The following MED17 variants were observed in gnomAD, a reference collection of about 807,000 sequenced individuals.
The protein encoded by MED17 is mediator complex subunit 17, also known as mediator of RNA polymerase II transcription subunit 17.
In MED17, 49 loss-of-function variants were observed where a neutral mutation model predicts 80.8. That is an observed-to-expected ratio of 0.61 (90% CI 0.48 to 0.77). MED17 has a LOEUF of 0.77. Ranked by LOEUF, MED17 falls within the 30% of genes least tolerant of loss-of-function variation. MED17 has a pLI of 0.00. For synonymous variants in MED17, 281 were observed against 280.4 expected (o/e 1.00, Z -0.02); for missense variants, 718 against 787.0 (o/e 0.91, Z 1.05).
chr11:93,798,694 C>A (rs12222862), intron 8 of MED17, among the ~76,000 whole-genome samples: 1 of 152,116 alleles, frequency 6.6e-6, no homozygotes, highest in Non-Finnish European at 1.5e-5. Context: ...GATTTAGTGT[C>A]TATGGTCCCC....
At chr11:93,793,453 A>G in intron 3 of MED17, 1 of 354,038 alleles carries the variant, frequency 2.8e-6, no homozygotes, top group Non-Finnish European at 5.2e-6. Flanking sequence ...CTCCATTGGA[A>G]TAAAACAATT....
chr11:93,811,719 C>A, intron 11 of MED17, 134 bp from the exon 12 acceptor site: 1 of 769,588 alleles, frequency 1.3e-6, no homozygotes, highest in Non-Finnish European at 2.2e-6. Context: ...ACTGAAAAAG[C>A]ACTTTTTTAC....
At chr11:93,809,672 G>T (rs1357715012) in intron 10 of MED17, 45 bp from the exon 11 acceptor site, 1 of 1,607,764 alleles carries the variant, frequency 6.2e-7, no homozygotes, top group Non-Finnish European at 8.5e-7. Flanking sequence ...AGTCACTGCA[G>T]ATATCTCTGC....
chr11:93,807,697 G>T, intron 10 of MED17, 62 bp downstream of exon 10: 1 of 993,740 alleles, frequency 1.0e-6, no homozygotes, highest in South Asian at 1.3e-5. Flanking sequence ...AGAACAAATT[G>T]GTTAAAAAGT....
At chr11:93,798,301 G>A (rs933059828) in intron 8 of MED17, among the ~76,000 whole-genome samples, 1 of 151,980 alleles carries the variant, frequency 6.6e-6, no homozygotes, top group African/African-American at 2.4e-5. Flanking sequence ...ACAAAATAAC[G>A]TGGCATGATT....
chr11:93,801,758 A>T (rs565420609), intron 8 of MED17, 77 bp from the exon 9 acceptor site: 6 of 1,429,142 alleles, frequency 4.2e-6, no homozygotes, highest in African/African-American at 1.4e-5. Flanking sequence ...AAATTTTCAT[A>T]AAATTTTCGA....
At chr11:93,804,031 AC>A in intron 9 of MED17, among the ~76,000 whole-genome samples, 1 of 6,524 alleles carries the variant, frequency 1.5e-4, no homozygotes. Context: ...ATATATACAC[AC>A]ACACATATAC....
chr11:93,792,601 A>T (rs1943849330), intron 3 of MED17, among the ~76,000 whole-genome samples: 1 of 152,130 alleles, frequency 6.6e-6, no homozygotes, highest in Non-Finnish European at 1.5e-5. Context: ...AATGGCCCAG[A>T]ACAACTTACC....
intron 7 of MED17, chr11:93,796,808 G>A (rs1943908443): frequency 2.3e-6 from 1 of 428,438 alleles, no homozygotes; most frequent in Admixed American, 3.5e-5. Context: ...AGAGGGAAGG[G>A]TGATTCTGAC....
intron 10 of MED17, chr11:93,807,998 A>T (rs913960825): frequency 2.2e-5 from 7 of 311,700 alleles, no homozygotes. Context: ...AGATCATATA[A>T]AAAACTATAA....
rs758869867 is a variant in MED17 at position 93,796,498 on chromosome 11, C to T, written c.1101C>T (p.His367=). 3 of 1,613,990 alleles carry T rather than the reference C, an allele frequency of 1.9e-6. No homozygotes were observed. The highest frequency in any genetic ancestry group is 1.3e-5 in the African/African-American group (1 of 75,018). ...CTGAGAAGCAATGTCCGGAGGACCA[C>T]CTTTATGTCCTAGAGCATAATTTGC... is the stretch of plus-strand genomic sequence containing the variant. ...FATEKQCPED[H]LYVLEHNLHL... Residue 367 remains histidine, a synonymous_variant, in exon 7 of 12, where the codon CAC becomes CAT. Transcript: ENST00000251871.
chr11:93,796,854 G>T, intron 7 of MED17: 1 of 366,544 alleles, frequency 2.7e-6, no homozygotes, highest in South Asian at 2.3e-5. Context: ...GCCAGAGTCT[G>T]TGAACAGACT....
chr11:93,795,107 G>A, intron 6 of MED17, 47 bp downstream of exon 6: 2 of 1,600,770 alleles, frequency 1.2e-6, no homozygotes, highest in South Asian at 2.2e-5. Context: ...TTTGTGTTTT[G>A]GGGGACTAGG....
intron 6 of MED17, chr11:93,795,298 C>G (rs1281827759): frequency 3.6e-6 from 2 of 561,680 alleles, no homozygotes; most frequent in African/African-American, 3.8e-5. Flanking sequence ...CTTATGTAGT[C>G]ATTATTGTGG....
At chr11:93,804,047 GCA>G (rs141620991) in intron 9 of MED17, among the ~76,000 whole-genome samples, 2 of 136,744 alleles carry the variant, frequency 1.5e-5, no homozygotes, top group South Asian at 2.3e-4. Context: ...ATATACACAC[GCA>G]CACACACACA....
At chr11:93,809,607 G>T (rs1591391882) in intron 10 of MED17, 110 bp from the exon 11 acceptor site, 16 of 1,082,510 alleles carry the variant, frequency 1.5e-5, no homozygotes, top group African/African-American at 1.2e-4. Context: ...AGATAGGGTT[G>T]CTGTAGTAGT....
Position 93,788,138 on chromosome 11 carries a change from G to A in MED17, c.388G>A (p.Val130Ile). ...TAAAAAATTTATGACTCTTGATCCT[G>A]TCTCTCAGGATGCACTTCCTCCAAA... ...RDKKFMTLDP[V>I]SQDALPPKQN... is the part of the protein sequence containing the mutation. Residue 130 changes from valine to isoleucine, a missense_variant, in exon 2 of 12, where the codon GTC (valine) becomes ATC (isoleucine). Coordinates refer to ENST00000251871, the MANE Select transcript of MED17 (RefSeq NM_004268.5). 6.2e-7 allele frequency: 1 copy of A among 1,613,338 alleles called. No individual in the cohort carries two copies. Among genetic ancestry groups the A allele is most frequent in the South Asian group, 1.1e-5 (1 of 91,012 alleles).
chr11:93,794,078 C>A, intron 5 of MED17, 43 bp downstream of exon 5: 1 of 1,484,414 alleles, frequency 6.7e-7, no homozygotes, highest in Non-Finnish European at 9.4e-7. Flanking sequence ...CTTATTTGAG[C>A]TGACATTTTA....
chr11:93,801,745 T>C, intron 8 of MED17, 90 bp from the exon 9 acceptor site: 1 of 1,337,690 alleles, frequency 7.5e-7, no homozygotes, highest in Non-Finnish European at 1.1e-6. Context: ...GTAGTTAGTT[T>C]TAAAATTTTC....
Sources: allele counts gnomAD v4.1 joint callset (sites outside exome capture counted in the v4.1 genomes callset), GRCh38; gene constraint gnomAD v4.1.1; transcripts MANE v1.5; gene names NCBI Gene and HGNC (gene_info 2026-07-23, HGNC 2026-07-21).